Variants in GPC6 observed in about 807,000 individuals in gnomAD.
GPC6 encodes the protein glypican-6.
In GPC6, 14 loss-of-function variants were observed where a neutral mutation model predicts 55.2. The observed-to-expected ratio is 0.25, with a 90% CI of 0.17 to 0.40. The LOEUF (loss-of-function observed/expected upper bound fraction) is 0.40, where lower values mean the gene tolerates loss of function less well. GPC6 is among the 10% of genes least tolerant of loss of function. GPC6 has a pLI of 1.00. For synonymous variants in GPC6, 278 were observed against 259.6 expected, an observed-to-expected ratio of 1.07 and a Z score of -0.68; for missense variants, 641 against 708.5, an observed-to-expected ratio of 0.90 and a Z score of 1.08.
intron 2 of GPC6, among the ~76,000 whole-genome samples, chr13:93,627,861 T>C (rs918651837): frequency 6.6e-6 from 1 of 152,226 alleles, no homozygotes; most frequent in Non-Finnish European, 1.5e-5. Flanking sequence ...GTGACTATCA[T>C]TATGAAGAAA....
At chr13:93,492,272 T>C (rs1880045452) in intron 1 of GPC6, among the ~76,000 whole-genome samples, 1 of 144,496 alleles carries the variant, frequency 6.9e-6, no homozygotes, top group African/African-American at 2.6e-5. Context: ...TATTTAATTC[T>C]CTTTGAAGCA....
intron 3 of GPC6, among the ~76,000 whole-genome samples, chr13:93,870,424 C>T (rs531183035): frequency 6.6e-6 from 1 of 152,012 alleles, no homozygotes; most frequent in African/African-American, 2.4e-5. Flanking sequence ...ATATTTCCTA[C>T]ATAAATATGC....
At chr13:93,984,605 A>G (rs564986903) in intron 3 of GPC6, among the ~76,000 whole-genome samples, 1 of 152,342 alleles carries the variant, frequency 6.6e-6, no homozygotes, top group East Asian at 1.9e-4. Flanking sequence ...AGTATGATCT[A>G]TGTAAGTGAA....
intron 2 of GPC6, among the ~76,000 whole-genome samples, chr13:93,603,633 A>G (rs1045231209): frequency 1.3e-5 from 2 of 152,182 alleles, no homozygotes; most frequent in African/African-American, 4.8e-5. Flanking sequence ...CTATCTCTCA[A>G]TTGGATAAAA....
chr13:93,834,791 G>A (rs774155109), intron 3 of GPC6, among the ~76,000 whole-genome samples: 2 of 152,164 alleles, frequency 1.3e-5, no homozygotes, highest in Non-Finnish European at 2.9e-5. Flanking sequence ...CAGTTTCCAT[G>A]TTCCATATTG....
intron 6 of GPC6, among the ~76,000 whole-genome samples, chr13:94,331,926 C>G (rs933304187): frequency 6.6e-6 from 1 of 152,140 alleles, no homozygotes; most frequent in Non-Finnish European, 1.5e-5. Context: ...GTGCTCTTCT[C>G]TCTCTTTTTT....
chr13:93,891,725 G>A (rs116083628), intron 3 of GPC6, among the ~76,000 whole-genome samples: 145 of 151,636 alleles, frequency 9.6e-4, no homozygotes, highest in African/African-American at 3.3e-3. Context: ...TGCATACAGT[G>A]TGTGTGTGTA....
intron 2 of GPC6, among the ~76,000 whole-genome samples, chr13:93,755,289 T>C (rs1271170149): frequency 6.6e-6 from 1 of 152,102 alleles, no homozygotes; most frequent in Admixed American, 6.6e-5. Flanking sequence ...GGAAGCATCC[T>C]CCTTCAGTGA....
intron 2 of GPC6, among the ~76,000 whole-genome samples, chr13:93,559,445 TTGA>T (rs1440807101): frequency 1.3e-5 from 2 of 152,176 alleles, no homozygotes; most frequent in Non-Finnish European, 2.9e-5. Context: ...GGGCACATGA[TTGA>T]TGATAATTGC....
At chr13:93,927,953 G>C (rs1265055258) in intron 3 of GPC6, among the ~76,000 whole-genome samples, 2 of 151,856 alleles carry the variant, frequency 1.3e-5, no homozygotes, top group Non-Finnish European at 2.9e-5. Context: ...GTGTCATAAA[G>C]TAAATTATGT....
intron 3 of GPC6, among the ~76,000 whole-genome samples, chr13:93,848,342 G>C (rs925870273): frequency 6.6e-6 from 1 of 151,904 alleles, no homozygotes; most frequent in East Asian, 1.9e-4. Flanking sequence ...TGTAACTTTC[G>C]TTTTGTGTTG....
chr13:94,266,739 G>T (rs771983375), intron 4 of GPC6, among the ~76,000 whole-genome samples: 1 of 152,166 alleles, frequency 6.6e-6, no homozygotes, highest in African/African-American at 2.4e-5. Context: ...AGTGTTGCTT[G>T]TCTGTCTTTC....
At chr13:93,644,584 T>C (rs1440579728) in intron 2 of GPC6, among the ~76,000 whole-genome samples, 2 of 152,002 alleles carry the variant, frequency 1.3e-5, no homozygotes. Flanking sequence ...GTACAGATTA[T>C]AGTTTGTGTA....
At chr13:93,967,305 G>A (rs574800730) in intron 3 of GPC6, among the ~76,000 whole-genome samples, 1 of 152,274 alleles carries the variant, frequency 6.6e-6, no homozygotes, top group East Asian at 1.9e-4. Flanking sequence ...ATAATTCAGT[G>A]CTACATATAC....
intron 4 of GPC6, among the ~76,000 whole-genome samples, chr13:94,090,423 A>G (rs1489843819): frequency 6.6e-6 from 1 of 152,146 alleles, no homozygotes; most frequent in African/African-American, 2.4e-5. Context: ...GAAATCAATC[A>G]GCTATAGACA....
At chr13:93,389,554 G>T (rs1047115277) in intron 1 of GPC6, among the ~76,000 whole-genome samples, 1 of 147,720 alleles carries the variant, frequency 6.8e-6, no homozygotes. Context: ...ATATGTAAAT[G>T]GTACCATTTA....
chr13:93,318,233 G>A (rs1879309254), intron 1 of GPC6, among the ~76,000 whole-genome samples: 1 of 151,974 alleles, frequency 6.6e-6, no homozygotes, highest in South Asian at 2.1e-4. Context: ...AAGCATTCTA[G>A]TTTGTTGAAT....
At chr13:94,220,674 G>T (rs1052474057) in intron 4 of GPC6, among the ~76,000 whole-genome samples, 4 of 152,060 alleles carry the variant, frequency 2.6e-5, no homozygotes, top group Admixed American at 6.6e-5. Flanking sequence ...GGTAGTAGGG[G>T]TCGGTTCTAG....
At chr13:93,561,619 T>G (rs1358467070) in intron 2 of GPC6, among the ~76,000 whole-genome samples, 1 of 152,026 alleles carries the variant, frequency 6.6e-6, no homozygotes, top group Admixed American at 6.6e-5. Context: ...CCCAGGCTAA[T>G]GGAGGATCAT....
Sources: allele counts gnomAD v4.1 joint callset (sites outside exome capture counted in the v4.1 genomes callset), GRCh38; gene constraint gnomAD v4.1.1; transcripts MANE v1.5; gene names NCBI Gene and HGNC (gene_info 2026-07-23, HGNC 2026-07-21).